Variants in BIRC6 observed in about 807,000 individuals in gnomAD.
The protein encoded by BIRC6 is baculoviral IAP repeat containing 6, also known as dual E2 ubiquitin-conjugating enzyme/E3 ubiquitin-protein ligase BIRC6.
In BIRC6, 98 loss-of-function variants were observed where a neutral mutation model predicts 503.3. The observed-to-expected ratio is 0.19, with a 90% CI of 0.17 to 0.23. The LOEUF (loss-of-function observed/expected upper bound fraction) is 0.23. BIRC6 is among the 10% of genes least tolerant of loss of function. The pLI, the probability that BIRC6 is intolerant of heterozygous loss-of-function variation, is 1.00. For synonymous variants in BIRC6, 2,240 were observed against 2,078.7 expected (o/e 1.08, Z -2.11); for missense variants, 5,360 against 5,806.0 (o/e 0.92, Z 2.50).
chr2:32,440,388 T>C (rs2148277262), intron 16 of BIRC6, among the ~76,000 whole-genome samples: 1 of 152,322 alleles, frequency 6.6e-6, no homozygotes, highest in African/African-American at 2.4e-5. Flanking sequence ...GGGGCGTAAT[T>C]TTAAGACAGG....
At chr2:32,475,658 GT>G (rs1304498873) in intron 33 of BIRC6, among the ~76,000 whole-genome samples, 2 of 152,128 alleles carry the variant, frequency 1.3e-5, no homozygotes, top group Non-Finnish European at 2.9e-5. Flanking sequence ...TTATCCTATA[GT>G]TTTTGCAAAA....
At chr2:32,360,384 GTATA>G (rs2033869888) in intron 1 of BIRC6, among the ~76,000 whole-genome samples, 1 of 152,188 alleles carries the variant, frequency 6.6e-6, no homozygotes, top group Middle Eastern at 3.2e-3. Flanking sequence ...AGAGCTATCA[GTATA>G]TACACAGGCT....
Position 32,442,093 on chromosome 2 carries a change from T to G in BIRC6, c.3973T>G (p.Ser1325Ala). 6.3e-7 allele frequency: 1 copy of G among 1,590,782 alleles called. No individual in the cohort carries two copies. Among genetic ancestry groups the G allele is most frequent in the Non-Finnish European group, 8.5e-7 (1 of 1,173,254 alleles). Residue 1325 changes from serine to alanine, a missense_variant, in exon 18 of 74, where the codon TCA becomes GCA. By Grantham distance (99) the Ser-to-Ala change is moderately conservative (BLOSUM62 1). Transcript: ENST00000421745. Reference protein sequence around the residue: ...RVQRCAMLQFSEFHEKLLNTL... With the variant: ...RVQRCAMLQFAEFHEKLLNTL... ...GCAACGATGTGCCATGTTACAGTTT[T>G]CAGAATTTCATGAGAAGCTTCTTAA...
intron 16 of BIRC6, among the ~76,000 whole-genome samples, chr2:32,440,053 C>T (rs553218045): frequency 6.6e-6 from 1 of 151,914 alleles, no homozygotes; most frequent in African/African-American, 2.4e-5. Flanking sequence ...TAATTTTTGT[C>T]TTTGTAGTAG....
chr2:32,374,927 C>G (rs1573743756), intron 1 of BIRC6, among the ~76,000 whole-genome samples: 1 of 152,112 alleles, frequency 6.6e-6, no homozygotes, highest in East Asian at 1.9e-4. Context: ...GATTGAAATT[C>G]CGTTAAATCT....
intron 23 of BIRC6, 131 bp from the exon 24 acceptor site, chr2:32,463,063 T>C: frequency 1.5e-6 from 1 of 664,718 alleles, no homozygotes; most frequent in Non-Finnish European, 2.4e-6. Context: ...TCCAGATTTC[T>C]TTTTTAGAAT....
intron 61 of BIRC6, among the ~76,000 whole-genome samples, chr2:32,539,344 T>C (rs1003199544): frequency 6.6e-6 from 1 of 152,214 alleles, no homozygotes; most frequent in African/African-American, 2.4e-5. Context: ...AACTTCTAGA[T>C]GGACGTAACC....
intron 13 of BIRC6, 36 bp downstream of exon 13, chr2:32,433,840 A>G (rs2044397303): frequency 7.0e-7 from 1 of 1,419,076 alleles, no homozygotes; most frequent in African/African-American, 1.4e-5. Flanking sequence ...TGAAGATTTT[A>G]TTTTGTGGTT....
intron 66 of BIRC6, among the ~76,000 whole-genome samples, chr2:32,584,101 G>T (rs1487783811): frequency 6.6e-6 from 1 of 151,908 alleles, no homozygotes; most frequent in African/African-American, 2.4e-5. Context: ...GGCTGGGTGC[G>T]GTGGCTTACA....
intron 65 of BIRC6, chr2:32,557,749 A>C (rs1287985055): frequency 6.6e-6 from 1 of 152,216 alleles, no homozygotes; most frequent in East Asian, 1.9e-4. Flanking sequence ...TAAGAGGTTA[A>C]GTACTGTTCC....
intron 22 of BIRC6, among the ~76,000 whole-genome samples, 195 bp from the exon 23 acceptor site, chr2:32,453,613 G>A (rs1402048782): frequency 6.6e-6 from 1 of 152,082 alleles, no homozygotes; most frequent in Non-Finnish European, 1.5e-5. Context: ...ATCCAAATCT[G>A]CTTTTGTAGC....
At chr2:32,372,839 CAAAG>C (rs2036176186) in intron 1 of BIRC6, among the ~76,000 whole-genome samples, 1 of 151,180 alleles carries the variant, frequency 6.6e-6, no homozygotes, top group African/African-American at 2.4e-5. Context: ...CAAAAAAAGA[CAAAG>C]AGAAAGAAAA....
At chr2:32,582,265 T>G (rs1368162936) in intron 66 of BIRC6, among the ~76,000 whole-genome samples, 1 of 152,144 alleles carries the variant, frequency 6.6e-6, no homozygotes, top group Non-Finnish European at 1.5e-5. Context: ...TCCCAGCACT[T>G]TGGGAGGCCA....
At chr2:32,588,018 G>T (rs2061167524) in intron 66 of BIRC6, among the ~76,000 whole-genome samples, 1 of 152,144 alleles carries the variant, frequency 6.6e-6, no homozygotes, top group Admixed American at 6.5e-5. Flanking sequence ...TTTATGAAGA[G>T]TAGGTCAGCT....
In BIRC6 at chr2:32,510,517, T is replaced by G. The variant is rs1252884862; in HGVS notation, c.10238-9T>G. ...TAGCAAACTTTTTCTTTGGATTCTT[T>G]GTTGCAAGATTTGAATAGTCCTTTA... On this transcript the variant is annotated splice_polypyrimidine_tract_variant and intron_variant, in intron 52 of 73. Coordinates refer to ENST00000421745, the MANE Select transcript of BIRC6 (RefSeq NM_016252.4). 1.3e-6 allele frequency: 2 copies of G among 1,512,562 alleles called. No individual in the cohort carries two copies. Among genetic ancestry groups the G allele is most frequent in the African/African-American group, 1.4e-5 (1 of 72,594 alleles). 93.7% of individuals were successfully genotyped at this position (1,512,562 alleles called of 1,614,324 possible).
chr2:32,431,724 C>A (rs569367790), intron 12 of BIRC6, among the ~76,000 whole-genome samples: 7 of 152,304 alleles, frequency 4.6e-5, no homozygotes, highest in South Asian at 2.1e-4. Context: ...ATTTATTTAA[C>A]AAATACTCAA....
Position 32,499,929 on chromosome 2 carries a change from A to G in BIRC6, c.8851A>G (p.Thr2951Ala). 6.2e-7 allele frequency: 1 copy of G among 1,614,028 alleles called. No individual in the cohort carries two copies. Among genetic ancestry groups the G allele is most frequent in the Non-Finnish European group, 8.5e-7 (1 of 1,179,894 alleles). The change falls in exon 46 of 74, where the codon ACA becomes GCA. Residue 2951 changes from threonine (T) to alanine (A), a missense_variant. Physicochemically the swap from Thr to Ala is moderately conservative, Grantham distance 58 (BLOSUM62 0). Around this residue, in one of 16 missense-constraint regions of BIRC6, gnomAD observed 2,299 missense variants for 2,267.2 expected, o/e 1.01. Transcript: ENST00000421745. ...AAGAGTGTCTGTGACCACAAATACA[A>G]CAGATAGTGTTTCAGATGAAGAAAA... ...SARVSVTTNT[T>A]DSVSDEEKVS...
chr2:32,358,074 G>T (rs2033444887), intron 1 of BIRC6, among the ~76,000 whole-genome samples: 1 of 134,880 alleles, frequency 7.4e-6, no homozygotes, highest in Non-Finnish European at 1.6e-5. Context: ...TGGGGGTGGG[G>T]AGGGAAGTAG....
At chr2:32,581,721 AATC>A (rs1018315138) in intron 66 of BIRC6, among the ~76,000 whole-genome samples, 2 of 152,230 alleles carry the variant, frequency 1.3e-5, no homozygotes, top group African/African-American at 2.4e-5. Context: ...AATCGGGAAT[AATC>A]ATTCAGATTT....
Sources: allele counts gnomAD v4.1 joint callset (sites outside exome capture counted in the v4.1 genomes callset), GRCh38; gene constraint gnomAD v4.1.1; regional missense constraint gnomAD v4.1.1; transcripts MANE v1.5; gene names NCBI Gene and HGNC (gene_info 2026-07-23, HGNC 2026-07-21).